EPHA6: variants seen among roughly 807,000 people sequenced by gnomAD.
EPHA6 encodes the protein EPH receptor A6, also known as ephrin type-A receptor 6.
In EPHA6, 50 loss-of-function variants were observed where a neutral mutation model predicts 112.0. That is an observed-to-expected ratio of 0.45 (90% confidence interval 0.36 to 0.56). The LOEUF (loss-of-function observed/expected upper bound fraction) is 0.56. Among genes scored for constraint, EPHA6 ranks in the 20% least tolerant of loss-of-function variants. The pLI is 0.00. For synonymous variants in EPHA6, 529 were observed against 490.7 expected (o/e 1.08, Z -1.03); for missense variants, 1,280 against 1,417.4 (o/e 0.90, Z 1.56).
chr3:97,096,237 A>C (rs953875468), intron 3 of EPHA6, among the ~76,000 whole-genome samples: 1 of 146,390 alleles, frequency 6.8e-6, no homozygotes, highest in Non-Finnish European at 1.5e-5. Context: ...GGAAATATAT[A>C]TATATATACA....
chr3:97,736,869 G>A (rs181536711), intron 16 of EPHA6, among the ~76,000 whole-genome samples: 92 of 152,084 alleles, frequency 6.0e-4, no homozygotes, highest in African/African-American at 1.4e-3. Context: ...TTTAGAAAAA[G>A]TTGGACTTAG....
intron 2 of EPHA6, among the ~76,000 whole-genome samples, chr3:96,890,531 G>A (rs1255392837): frequency 6.6e-6 from 1 of 151,988 alleles, no homozygotes; most frequent in Non-Finnish European, 1.5e-5. Context: ...ATATTTATGT[G>A]GAACATATAA....
At chr3:97,447,497 C>A (rs2090385973) in intron 6 of EPHA6, among the ~76,000 whole-genome samples, 2 of 152,110 alleles carry the variant, frequency 1.3e-5, no homozygotes, top group African/African-American at 4.8e-5. Context: ...CCTAGCTTGA[C>A]CTATGACTTT....
intron 5 of EPHA6, among the ~76,000 whole-genome samples, chr3:97,328,012 T>A (rs1054693795): frequency 7.4e-6 from 1 of 134,432 alleles, no homozygotes; most frequent in Non-Finnish European, 1.5e-5. Flanking sequence ...TATATGTATA[T>A]GTGTATATAT....
chr3:97,470,101 T>C (rs981771059), intron 7 of EPHA6, among the ~76,000 whole-genome samples: 2 of 151,760 alleles, frequency 1.3e-5, no homozygotes, highest in African/African-American at 4.8e-5. Flanking sequence ...TACTCTTCTG[T>C]CTGCATGAGA....
At chr3:97,496,636 A>G (rs1013282842) in intron 10 of EPHA6, among the ~76,000 whole-genome samples, 26 of 152,042 alleles carry the variant, frequency 1.7e-4, no homozygotes, top group African/African-American at 6.0e-4. Flanking sequence ...ATCTTCACCT[A>G]TCTTAGGTGA....
intron 14 of EPHA6, chr3:97,646,438 A>G (rs2094064245): frequency 4.2e-6 from 3 of 719,138 alleles, no homozygotes; most frequent in African/African-American, 1.8e-5. Flanking sequence ...TAGAAATTCT[A>G]ATATTTTCTT....
chr3:97,137,940 C>G (rs1158588320), intron 3 of EPHA6, among the ~76,000 whole-genome samples: 2 of 152,106 alleles, frequency 1.3e-5, no homozygotes, highest in Non-Finnish European at 1.5e-5. Flanking sequence ...TATGACGTCC[C>G]TCTTCCACAG....
At chr3:96,890,626 G>C (rs912483594) in intron 2 of EPHA6, among the ~76,000 whole-genome samples, 1 of 152,028 alleles carries the variant, frequency 6.6e-6, no homozygotes. Flanking sequence ...AGAACAGAAT[G>C]AATTTTCAAT....
chr3:96,930,226 G>A (rs1559840849), intron 2 of EPHA6, among the ~76,000 whole-genome samples: 1 of 152,166 alleles, frequency 6.6e-6, no homozygotes, highest in African/African-American at 2.4e-5. Context: ...TGTCATTTCA[G>A]CCATCTCAGC....
At chr3:96,980,682 G>C in intron 2 of EPHA6, among the ~76,000 whole-genome samples, 1 of 152,130 alleles carries the variant, frequency 6.6e-6, no homozygotes, top group Non-Finnish European at 1.5e-5. Flanking sequence ...TCCTACCCAT[G>C]AGCATGGAAT....
At chr3:97,402,108 T>C (rs144368526) in intron 5 of EPHA6, among the ~76,000 whole-genome samples, 45 of 152,198 alleles carry the variant, frequency 3.0e-4, no homozygotes, top group African/African-American at 1.1e-3. Flanking sequence ...TCCATGTGTA[T>C]GAGAAGAATG....
At chr3:97,169,604 T>A (rs897044272) in intron 3 of EPHA6, among the ~76,000 whole-genome samples, 1 of 152,192 alleles carries the variant, frequency 6.6e-6, no homozygotes, top group African/African-American at 2.4e-5. Flanking sequence ...TCTTCCCATT[T>A]CATTTGCAGA....
chr3:97,319,389 C>A (rs1384568710), intron 5 of EPHA6, among the ~76,000 whole-genome samples: 1 of 151,450 alleles, frequency 6.6e-6, no homozygotes, highest in Non-Finnish European at 1.5e-5. Flanking sequence ...GAAAAAATAT[C>A]TGGCACAGTG....
chr3:96,898,814 G>A (rs1295971918), intron 2 of EPHA6, among the ~76,000 whole-genome samples: 1 of 151,856 alleles, frequency 6.6e-6, no homozygotes, highest in African/African-American at 2.4e-5. Context: ...CGGATCACGA[G>A]GTCAGGAGAT....
chr3:97,240,204 C>T (rs56020826), intron 4 of EPHA6, among the ~76,000 whole-genome samples: 30,860 of 151,694 alleles, frequency 0.2, 7,795 homozygotes, highest in African/African-American at 0.58. Flanking sequence ...TATCAGTGAA[C>T]ATGATATTCA....
chr3:97,339,857 A>ACAGG (rs111776851), intron 5 of EPHA6, among the ~76,000 whole-genome samples: 6,532 of 152,222 alleles, frequency 0.043, 424 homozygotes, highest in African/African-American at 0.14. Flanking sequence ...TGTGAAGTGG[A>ACAGG]CAGGTGGCCT....
At chr3:97,705,824 G>A (rs1202771299) in intron 14 of EPHA6, among the ~76,000 whole-genome samples, 1 of 152,140 alleles carries the variant, frequency 6.6e-6, no homozygotes, top group Non-Finnish European at 1.5e-5. Context: ...TTTTGCCACT[G>A]GCTTGTGATA....
At chr3:96,864,753 AC>A (rs1559783289) in intron 1 of EPHA6, among the ~76,000 whole-genome samples, 1 of 152,108 alleles carries the variant, frequency 6.6e-6, no homozygotes, top group African/African-American at 2.4e-5. Flanking sequence ...TTTAAAAAAA[AC>A]ACTTAAACAG....
Sources: allele counts gnomAD v4.1 joint callset (sites outside exome capture counted in the v4.1 genomes callset), GRCh38; gene constraint gnomAD v4.1.1; transcripts MANE v1.5; gene names NCBI Gene and HGNC (gene_info 2026-07-23, HGNC 2026-07-21).